Variants in CSMD1 observed in about 807,000 individuals in gnomAD.
CSMD1 encodes the protein CUB and Sushi multiple domains 1.
Under a neutral mutation model 417.5 loss-of-function variants are expected in CSMD1, and 213 were observed. The ratio of observed to expected loss-of-function variants is 0.51; its 90% CI spans 0.46 to 0.57. The LOEUF is 0.57. CSMD1 is among the 20% of genes least tolerant of loss of function. The pLI is 0.00. For missense variants in CSMD1, 6,923 were observed against 4,529.7 expected (o/e 1.53, Z -15.17); for synonymous variants, 2,862 against 1,736.8 (o/e 1.65, Z -16.11).
chr8:3,699,064 G>T (rs1042114266), intron 7 of CSMD1, among the ~76,000 whole-genome samples: 1 of 152,132 alleles, frequency 6.6e-6, no homozygotes, highest in Non-Finnish European at 1.5e-5. Context: ...CTGCAGAAAG[G>T]CAGCATGCAT....
rs991073561 is a variant in CSMD1, at chr8:4,460,458, G to A, written c.303-40393C>T. On this transcript the variant is annotated intron_variant, in intron 2 of 69. Transcript: ENST00000635120. The stretch of plus-strand genomic sequence containing the variant: ...GTACAAGCTAAACTTACGGTAAGCA[G>A]AATAACAAATATTCTAGTGAGAATA... 2.6e-5 allele frequency among the ~76,000 whole-genome samples: 4 copies of A among 152,078 alleles called. No homozygotes were observed. In the South Asian group the frequency reaches 6.2e-4, roughly 24 times the overall value.
At chr8:4,944,126 G>T (rs1012920702) in intron 1 of CSMD1, among the ~76,000 whole-genome samples, 3 of 152,144 alleles carry the variant, frequency 2.0e-5, no homozygotes, top group Non-Finnish European at 4.4e-5. Context: ...AAATTCTGCT[G>T]AGTTTTAGGC....
At chr8:4,048,932 T>G (rs1010088541) in intron 3 of CSMD1, among the ~76,000 whole-genome samples, 1 of 152,192 alleles carries the variant, frequency 6.6e-6, no homozygotes, top group African/African-American at 2.4e-5. Flanking sequence ...TTTCAAATGC[T>G]GCAAATATTT....
At chr8:3,734,667 C>T (rs186915159) in intron 6 of CSMD1, among the ~76,000 whole-genome samples, 62 of 152,278 alleles carry the variant, frequency 4.1e-4, no homozygotes, top group Middle Eastern at 3.4e-3. Context: ...GCCAAAACTA[C>T]GCCACTGCAC....
chr8:3,692,890 T>A (rs1317831856), intron 7 of CSMD1, among the ~76,000 whole-genome samples: 1 of 152,188 alleles, frequency 6.6e-6, no homozygotes, highest in East Asian at 1.9e-4. Context: ...ACTTTGATCT[T>A]TATATCCTAA....
chr8:4,259,898 T>C (rs74711727), intron 3 of CSMD1, among the ~76,000 whole-genome samples: 4,004 of 152,262 alleles, frequency 0.026, 163 homozygotes, highest in African/African-American at 0.09. Context: ...TGCTACCGCA[T>C]AGTCTCTTCT....
intron 2 of CSMD1, among the ~76,000 whole-genome samples, chr8:4,509,653 A>G (rs552801020): frequency 2.6e-5 from 4 of 152,330 alleles, no homozygotes; most frequent in Non-Finnish European, 5.9e-5. Flanking sequence ...GAGGAGGAAC[A>G]GTGCTAAGTC....
intron 20 of CSMD1, among the ~76,000 whole-genome samples, chr8:3,359,601 T>A (rs889145971): frequency 6.8e-6 from 1 of 147,262 alleles, no homozygotes; most frequent in Admixed American, 6.9e-5. Context: ...GGGAAGGGGG[T>A]GTATGGAGGG....
intron 1 of CSMD1, among the ~76,000 whole-genome samples, chr8:4,892,472 G>A (rs1000150310): frequency 2.6e-5 from 4 of 151,996 alleles, no homozygotes; most frequent in Admixed American, 1.3e-4. Flanking sequence ...TTTTAATCAC[G>A]TTTTACTAAC....
intron 12 of CSMD1, among the ~76,000 whole-genome samples, chr8:3,441,125 G>C (rs1814955233): frequency 6.6e-6 from 1 of 152,096 alleles, no homozygotes; most frequent in Non-Finnish European, 1.5e-5. Flanking sequence ...AGTTCCAGCG[G>C]TGCCACTGTT....
chr8:3,733,039 T>C (rs539422778), intron 6 of CSMD1, among the ~76,000 whole-genome samples: 8 of 152,092 alleles, frequency 5.3e-5, no homozygotes, highest in African/African-American at 1.7e-4. Flanking sequence ...GACTTGGGAA[T>C]ATGTCAGCCG....
intron 54 of CSMD1, among the ~76,000 whole-genome samples, chr8:2,995,976 C>G (rs1806857595): frequency 6.6e-6 from 1 of 152,098 alleles, no homozygotes; most frequent in African/African-American, 2.4e-5. Flanking sequence ...CCATCTTGAC[C>G]ACATCAATGT....
At chr8:4,418,752 T>C (rs1443263917) in intron 3 of CSMD1, among the ~76,000 whole-genome samples, 1 of 148,972 alleles carries the variant, frequency 6.7e-6, no homozygotes, top group African/African-American at 2.5e-5. Flanking sequence ...CATCCACTGA[T>C]CTTCAATTAG....
chr8:3,745,023 A>C (rs573603376), intron 6 of CSMD1, among the ~76,000 whole-genome samples: 1 of 152,212 alleles, frequency 6.6e-6, no homozygotes, highest in Non-Finnish European at 1.5e-5. Context: ...TTCTCCGGGC[A>C]GTGAATATTT....
intron 52 of CSMD1, among the ~76,000 whole-genome samples, chr8:3,002,587 G>A (rs553898697): frequency 1.8e-4 from 27 of 152,340 alleles, no homozygotes; most frequent in Non-Finnish European, 3.1e-4. Flanking sequence ...CATTTTAACA[G>A]AGCTCCTCTC....
At chr8:4,485,268 T>A (rs917222938) in intron 2 of CSMD1, among the ~76,000 whole-genome samples, 1 of 152,208 alleles carries the variant, frequency 6.6e-6, no homozygotes, top group African/African-American at 2.4e-5. Flanking sequence ...CAAACTTGCT[T>A]GGAACGCCTG....
intron 3 of CSMD1, among the ~76,000 whole-genome samples, chr8:4,124,106 A>T (rs1376234139): frequency 6.6e-6 from 1 of 152,202 alleles, no homozygotes; most frequent in East Asian, 1.9e-4. Context: ...AAAGAGAAAG[A>T]AAAACTATTT....
intron 5 of CSMD1, among the ~76,000 whole-genome samples, chr8:3,981,428 C>T (rs1380830679): frequency 6.9e-6 from 1 of 145,970 alleles, no homozygotes; most frequent in Non-Finnish European, 1.5e-5. Flanking sequence ...ACCAGGATCT[C>T]ACAAATCACC....
chr8:4,493,398 T>C (rs1801806412), intron 2 of CSMD1, among the ~76,000 whole-genome samples: 1 of 152,128 alleles, frequency 6.6e-6, no homozygotes, highest in Non-Finnish European at 1.5e-5. Flanking sequence ...TACAAACACA[T>C]TCTAAAGCTA....
Sources: allele counts gnomAD v4.1 joint callset (sites outside exome capture counted in the v4.1 genomes callset), GRCh38; gene constraint gnomAD v4.1.1; transcripts MANE v1.5; gene names NCBI Gene and HGNC (gene_info 2026-07-23, HGNC 2026-07-21).